Variants in HS1BP3 observed in about 807,000 individuals in gnomAD.
The protein encoded by HS1BP3 is HCLS1-binding protein 3.
Under a neutral mutation model 33.5 loss-of-function variants are expected in HS1BP3, and 32 were observed. The observed-to-expected ratio is 0.95, with a 90% CI of 0.72 to 1.28. The LOEUF (loss-of-function observed/expected upper bound fraction) is 1.28, where lower values mean the gene tolerates loss of function less well. Among genes scored for constraint, HS1BP3 ranks in the 50% most tolerant of loss-of-function variants. The pLI is 0.00. For synonymous variants in HS1BP3, 187 were observed against 209.2 expected (o/e 0.89, Z 0.92); for missense variants, 486 against 502.3 (o/e 0.97, Z 0.31).
At chr2:20,619,492 C>T (rs1694527749) in intron 6 of HS1BP3, among the ~76,000 whole-genome samples, 1 of 152,192 alleles carries the variant, frequency 6.6e-6, no homozygotes, top group Admixed American at 6.5e-5. Context: ...CAGGGCAGGC[C>T]CCACGCAGCC....
At chr2:20,627,679 G>A (rs1046665626) in intron 4 of HS1BP3, among the ~76,000 whole-genome samples, 1 of 152,166 alleles carries the variant, frequency 6.6e-6, no homozygotes, top group South Asian at 2.1e-4. Context: ...GGCATGGTCT[G>A]TACCCTACCC....
intron 4 of HS1BP3, chr2:20,636,312 C>G (rs188763005): frequency 1.3e-5 from 2 of 152,484 alleles, no homozygotes; most frequent in East Asian, 3.9e-4. Context: ...GGAACACACA[C>G]GGCTCTGGCC....
downstream of HS1BP3, among the ~76,000 whole-genome samples, chr2:20,558,153 G>T (rs72796452): frequency 0.041 from 6,256 of 152,312 alleles, 165 homozygotes; most frequent in Non-Finnish European, 0.069. Flanking sequence ...AGGGATGGGG[G>T]TGCAGAGGGG....
At position 20,641,064 on chromosome 2, in the gene HS1BP3, G is replaced by C. The variant is rs951941346; in HGVS notation, c.315C>G (p.Ile105Met). The C allele has an allele frequency of 6.2e-7, 1 of 1,614,036 alleles. No individual in the cohort carries two copies. The highest frequency in any genetic ancestry group is 1.7e-5 in the Admixed American group (1 of 60,008). The change falls in exon 3 of 7, where the codon ATC becomes ATG. Residue 105 changes from isoleucine to methionine, a missense_variant. Coordinates refer to ENST00000304031, the MANE Select transcript of HS1BP3 (RefSeq NM_022460.4). ...CATTGAACACGGCTCTCCTCTCCCGGATGTCAGACTCCCCAACAAACAGGA... is the reference window on the plus strand; with the variant it reads ...CATTGAACACGGCTCTCCTCTCCCGCATGTCAGACTCCCCAACAAACAGGA... ...RKVLFVGESDIRERRAVFNEI... is the reference protein window; with the variant it reads ...RKVLFVGESDMRERRAVFNEI...
In HS1BP3 at chr2:20,570,872, C is replaced by T. The variant is rs549697414; in HGVS notation, c.303-10357G>A. On this transcript the variant is annotated intron_variant, in intron 5 of 5. Coordinates refer to the HS1BP3 transcript ENST00000446825. Reference sequence around the variant, plus strand: ...GCATAAAGGGTCACTGTTTGGCTTGCTTCTCTCGGGCTGAGGCCAGAAAGC... The same window carrying T: ...GCATAAAGGGTCACTGTTTGGCTTGTTTCTCTCGGGCTGAGGCCAGAAAGC... Among the ~76,000 whole-genome samples, 4 of 152,286 alleles carry T rather than the reference C, an allele frequency of 2.6e-5. No homozygotes were observed. In the East Asian group the frequency reaches 7.7e-4, roughly 29 times the overall value.
At chr2:20,576,347 C>T (rs1238179442) in intron 5 of HS1BP3, among the ~76,000 whole-genome samples, 1 of 152,144 alleles carries the variant, frequency 6.6e-6, no homozygotes, top group African/African-American at 2.4e-5. Flanking sequence ...CTATGTGTTC[C>T]TCCTCTTTTC....
chr2:20,628,756 G>A, intron 4 of HS1BP3, among the ~76,000 whole-genome samples: 1 of 152,220 alleles, frequency 6.6e-6, no homozygotes, highest in East Asian at 1.9e-4. Context: ...AGGAGGTGAT[G>A]TGGAGACAGG....
At chr2:20,636,076 C>T (rs1176189702) in intron 4 of HS1BP3, 2 of 151,998 alleles carry the variant, frequency 1.3e-5, no homozygotes, top group Admixed American at 6.6e-5. Context: ...TAAGCCCAGA[C>T]ATGGGGCAGG....
the HS1BP3 span, among the ~76,000 whole-genome samples, chr2:20,555,342 C>T: frequency 3.3e-5 from 5 of 152,172 alleles, no homozygotes; most frequent in African/African-American, 2.4e-5. Context: ...GTTTTTGGGG[C>T]CCAGGGCAGA....
chr2:20,632,680 C>A (rs1455152236), intron 4 of HS1BP3, among the ~76,000 whole-genome samples: 1 of 152,198 alleles, frequency 6.6e-6, no homozygotes, highest in Non-Finnish European at 1.5e-5. Context: ...GGGAAAATGG[C>A]AAGTGTGACC....
chr2:20,631,856 A>G (rs547234387), intron 4 of HS1BP3, among the ~76,000 whole-genome samples: 2 of 152,310 alleles, frequency 1.3e-5, no homozygotes, highest in African/African-American at 4.8e-5. Context: ...AGTACCCCCA[A>G]GAGCCTGAAT....
intron 5 of HS1BP3, among the ~76,000 whole-genome samples, chr2:20,572,039 G>A (rs1693287177): frequency 6.6e-6 from 1 of 152,222 alleles, no homozygotes; most frequent in South Asian, 2.1e-4. Flanking sequence ...AAGTCACAGA[G>A]CTAAGAGCAA....
At chr2:20,632,140 C>T (rs1227396513) in intron 4 of HS1BP3, among the ~76,000 whole-genome samples, 1 of 152,242 alleles carries the variant, frequency 6.6e-6, no homozygotes, top group African/African-American at 2.4e-5. Flanking sequence ...ATGCCAATAA[C>T]CTCCAATCAG....
downstream of HS1BP3, among the ~76,000 whole-genome samples, chr2:20,558,630 G>C (rs1692898535): frequency 6.6e-6 from 1 of 152,172 alleles, no homozygotes; most frequent in Non-Finnish European, 1.5e-5. Flanking sequence ...ACCTTCAAGG[G>C]GGAGGCAAAC....
chr2:20,602,730 T>C (rs1426114623), intron 2 of HS1BP3, among the ~76,000 whole-genome samples: 1 of 152,176 alleles, frequency 6.6e-6, no homozygotes, highest in Non-Finnish European at 1.5e-5. Flanking sequence ...CTAGATAAAT[T>C]GGAGTTCATC....
At chr2:20,646,898 G>A (rs1695536673) in intron 1 of HS1BP3, among the ~76,000 whole-genome samples, 1 of 152,178 alleles carries the variant, frequency 6.6e-6, no homozygotes, top group Admixed American at 6.5e-5. Context: ...AAAATACAGG[G>A]AAACAGACCC....
chr2:20,590,840 C>G (rs952199457), downstream of HS1BP3: 1 of 167,438 alleles, frequency 6.0e-6, no homozygotes, highest in African/African-American at 2.4e-5. Context: ...AACTGATGCT[C>G]AAAGAGATGG....
intron 2 of HS1BP3, among the ~76,000 whole-genome samples, chr2:20,642,250 C>A (rs546597131): frequency 2.6e-5 from 4 of 152,204 alleles, no homozygotes; most frequent in Non-Finnish European, 4.4e-5. Context: ...CTGACGCCCT[C>A]GGGCTCGGGG....
chr2:20,627,652 C>T (rs137998217), intron 4 of HS1BP3, among the ~76,000 whole-genome samples: 53 of 152,288 alleles, frequency 3.5e-4, no homozygotes, highest in African/African-American at 1.1e-3. Context: ...CTACAGCACA[C>T]GCGGGCGGCT....
Sources: gnomAD v4.1 joint callset for allele counts (sites outside exome capture counted in the v4.1 genomes callset) on GRCh38, gnomAD v4.1.1 for gene constraint, MANE v1.5 for transcripts, NCBI Gene and HGNC (gene_info 2026-07-23, HGNC 2026-07-21) for gene names.